C5orf15: variants seen among roughly 807,000 people sequenced by gnomAD.
C5orf15 encodes the protein keratinocyte-associated transmembrane protein 2.
Under a neutral mutation model 17.8 loss-of-function variants are expected in C5orf15, and 10 were observed. That is an observed-to-expected ratio of 0.56 (90% CI 0.35 to 0.95). The LOEUF is 0.95. Ranked by LOEUF, C5orf15 falls within the 40% of genes least tolerant of loss-of-function variation. C5orf15 has a pLI of 0.02. For missense variants in C5orf15, 319 were observed against 331.7 expected (o/e 0.96, Z 0.30); for synonymous variants, 124 against 131.0 (o/e 0.95, Z 0.36).
chr5:133,966,441 C>A (rs968387149), intron 1 of C5orf15, among the ~76,000 whole-genome samples: 7 of 152,152 alleles, frequency 4.6e-5, no homozygotes, highest in Admixed American at 2.0e-4. Flanking sequence ...ATGTAGAGAA[C>A]CAGGCATTTT....
At chr5:133,967,435 G>A (rs1752213097) in intron 1 of C5orf15, 1 of 152,224 alleles carries the variant, frequency 6.6e-6, no homozygotes, top group Non-Finnish European at 1.5e-5. Context: ...CAAATTTAGG[G>A]AGAAACGCAG....
Position 133,955,711 on chromosome 5 carries a change from C to T in C5orf15, c.*1148G>A, listed in dbSNP as rs1752034264. On this transcript the variant is annotated 3_prime_UTR_variant, in exon 3 of 3. Coordinates refer to ENST00000231512, the MANE Select transcript of C5orf15 (RefSeq NM_020199.3). ...CAGCTCTACATAAAGCGCAAGCCCA[C>T]TGGCTCACCCGGGTCCTGCTTAACA... 1 of 152,678 alleles carries T rather than the reference C, an allele frequency of 6.5e-6. No individual in the cohort carries two copies. The highest frequency in any genetic ancestry group is 2.4e-5 in the African/African-American group (1 of 41,466). The allele number at this position is 152,678 out of a possible 1,614,324, so 9.5% of individuals were successfully genotyped here.
rs763646681 is a variant in C5orf15, at chr5:133,968,428, A to C, written c.139+18T>G. The C allele has an allele frequency of 1.0e-5, 16 of 1,600,420 alleles. No individual in the cohort carries two copies. Among genetic ancestry groups the C allele is most frequent in the Non-Finnish European group, 1.4e-5 (16 of 1,174,384 alleles). ...GCCCTCCTAGCCTTCCTAAGCCCAC[A>C]CTGCCGCCCCCCTTTACCACTGGAT... On this transcript the variant is annotated intron_variant, in intron 1 of 2. Coordinates refer to ENST00000231512, the MANE Select transcript of C5orf15 (RefSeq NM_020199.3).
intron 2 of C5orf15, among the ~76,000 whole-genome samples, chr5:133,959,231 A>G (rs539459572): frequency 5.9e-5 from 9 of 152,060 alleles, no homozygotes; most frequent in African/African-American, 1.9e-4. Context: ...TTTTAATTTA[A>G]TAATTTTTAA....
intron 1 of C5orf15, chr5:133,967,332 C>A (rs1248481449): frequency 6.6e-6 from 1 of 152,188 alleles, no homozygotes; most frequent in East Asian, 1.9e-4. Flanking sequence ...TATGTACCCA[C>A]AGTACTGTCG....
Position 133,959,929 on chromosome 5 carries a change from G to C in C5orf15, c.231C>G (p.Thr77=). 1 of 1,614,038 alleles carries C rather than the reference G, an allele frequency of 6.2e-7. No homozygotes were observed. The highest frequency in any genetic ancestry group is 8.5e-7 in the Non-Finnish European group (1 of 1,179,968). The change falls in exon 2 of 3, where the codon ACC becomes ACG. Residue 77 remains threonine, a synonymous_variant. Coordinates refer to ENST00000231512, the MANE Select transcript of C5orf15 (RefSeq NM_020199.3). ...NVNALTHENQ[T]KPSISQISTT... is the part of the protein sequence containing the mutation. Reference sequence around the variant, plus strand: ...TGCTGATTTGGGAAATAGAAGGTTTGGTTTGGTTTTCATGTGTTAAAGCAT... The same window carrying C: ...TGCTGATTTGGGAAATAGAAGGTTTCGTTTGGTTTTCATGTGTTAAAGCAT...
intron 1 of C5orf15, among the ~76,000 whole-genome samples, chr5:133,963,916 C>G (rs1752158907): frequency 6.6e-6 from 1 of 152,144 alleles, no homozygotes; most frequent in African/African-American, 2.4e-5. Flanking sequence ...GAATATTACT[C>G]AGCAATTTAA....
chr5:133,961,772 AT>A (rs55963520), intron 1 of C5orf15, among the ~76,000 whole-genome samples: 10,896 of 141,588 alleles, frequency 0.077, 375 homozygotes, highest in South Asian at 0.14. Flanking sequence ...GCCATATGCA[AT>A]TTTTTTTTTT....
intron 1 of C5orf15, chr5:133,967,476 A>AC (rs1327596706): frequency 6.6e-6 from 1 of 152,224 alleles, no homozygotes; most frequent in Non-Finnish European, 1.5e-5. Context: ...GAAAAATGGG[A>AC]CTACTAAACA....
At chr5:133,963,287 T>C (rs1580699341) in intron 1 of C5orf15, among the ~76,000 whole-genome samples, 1 of 152,180 alleles carries the variant, frequency 6.6e-6, no homozygotes, top group South Asian at 2.1e-4. Context: ...TTCCTAACTT[T>C]TCTGAGAAAA....
At chr5:133,959,394 C>CT (rs1159512933) in intron 2 of C5orf15, 100 bp downstream of exon 2, 80 of 741,606 alleles carry the variant, frequency 1.1e-4, no homozygotes, top group South Asian at 3.2e-4. Context: ...ACCCACTACA[C>CT]TTTTTTTTGC....
At chr5:133,959,370 G>T in intron 2 of C5orf15, 124 bp downstream of exon 2, 1 of 608,586 alleles carries the variant, frequency 1.6e-6, no homozygotes, top group Non-Finnish European at 2.5e-6. Flanking sequence ...CTCCAGCTTG[G>T]TTGACAGAGT....
chr5:133,965,476 A>G (rs1196316930), intron 1 of C5orf15, among the ~76,000 whole-genome samples: 1 of 152,228 alleles, frequency 6.6e-6, no homozygotes, highest in East Asian at 1.9e-4. Flanking sequence ...AAATCAGAGA[A>G]GTTGATTAAG....
At chr5:133,960,583 C>CA (rs972956406) in intron 1 of C5orf15, among the ~76,000 whole-genome samples, 19 of 148,952 alleles carry the variant, frequency 1.3e-4, no homozygotes, top group South Asian at 4.2e-4. Flanking sequence ...CTCCTAAATT[C>CA]AAAAAAAAAG....
chr5:133,956,783 A>G lies in C5orf15; in HGVS notation c.*76T>C, dbSNP rs1392568202. The G allele has an allele frequency of 2.1e-6, 3 of 1,460,710 alleles. No homozygotes were observed. The highest frequency in any genetic ancestry group is 2.7e-6 in the Non-Finnish European group (3 of 1,096,946). 90.5% of individuals were successfully genotyped at this position (1,460,710 alleles called of 1,614,324 possible). A position where few individuals can be genotyped will look rare whatever the true frequency, so the allele number is the denominator to read the frequency against. On this transcript the variant is annotated 3_prime_UTR_variant, in exon 3 of 3. Transcript: ENST00000231512. Reference sequence around the variant, plus strand: ...CCTCTCATTTAAGTACCAATTGCCTATGGCAAACATTTGCACAATATCATA... The same window carrying G: ...CCTCTCATTTAAGTACCAATTGCCTGTGGCAAACATTTGCACAATATCATA...
intron 2 of C5orf15, 90 bp downstream of exon 2, chr5:133,959,404 C>CTAA (rs1752084810): frequency 8.2e-6 from 1 of 121,926 alleles, no homozygotes; most frequent in Non-Finnish European, 1.3e-5. Flanking sequence ...CTTTTTTTTG[C>CTAA]AAAAAAAAAA....
At chr5:133,965,901 G>A (rs1752183981) in intron 1 of C5orf15, among the ~76,000 whole-genome samples, 1 of 152,018 alleles carries the variant, frequency 6.6e-6, no homozygotes, top group African/African-American at 2.4e-5. Flanking sequence ...CTCCAGCCTG[G>A]GCGACAGAGC....
chr5:133,956,696 A>C lies in C5orf15; in HGVS notation c.*163T>G, dbSNP rs1262150004. Reference sequence around the variant, plus strand: ...AAACTCAGCTCTAAAAGTACAGATAAAAAATTATATACTCGTTTGTGACAT... The same window carrying C: ...AAACTCAGCTCTAAAAGTACAGATACAAAATTATATACTCGTTTGTGACAT... On this transcript the variant is annotated 3_prime_UTR_variant, in exon 3 of 3. Coordinates refer to ENST00000231512, the MANE Select transcript of C5orf15 (RefSeq NM_020199.3). 2 of 605,220 alleles carry C rather than the reference A, an allele frequency of 3.3e-6. No individual in the cohort carries two copies. Among genetic ancestry groups the C allele is most frequent in the African/African-American group, 3.9e-5 (2 of 50,838 alleles). 37.5% of individuals were successfully genotyped at this position (605,220 alleles called of 1,614,324 possible).
chr5:133,957,400 C>T (rs1183271902), intron 2 of C5orf15, among the ~76,000 whole-genome samples: 1 of 151,566 alleles, frequency 6.6e-6, no homozygotes, highest in African/African-American at 2.4e-5. Flanking sequence ...TGCTTTCCAT[C>T]TTGTAAAGAA....
Sources: allele counts gnomAD v4.1 joint callset (sites outside exome capture counted in the v4.1 genomes callset), GRCh38; gene constraint gnomAD v4.1.1; transcripts MANE v1.5; gene names NCBI Gene and HGNC (gene_info 2026-07-23, HGNC 2026-07-21).